Variants in SRFBP1 observed in about 807,000 individuals in gnomAD.
SRFBP1 encodes serum response factor-binding protein 1.
Under a neutral mutation model 45.5 loss-of-function variants are expected in SRFBP1, and 47 were observed. The observed-to-expected ratio is 1.03, with a 90% CI of 0.82 to 1.32. The LOEUF is 1.32. SRFBP1 is among the 40% of genes most tolerant of loss of function. SRFBP1 has a pLI of 0.00. For missense variants in SRFBP1, 621 were observed against 484.6 expected (o/e 1.28, Z -2.64); for synonymous variants, 203 against 166.3 (o/e 1.22, Z -1.70).
At chr5:122,008,037 G>T (rs1396948456) in intron 4 of SRFBP1, among the ~76,000 whole-genome samples, 3 of 152,186 alleles carry the variant, frequency 2.0e-5, no homozygotes, top group Non-Finnish European at 4.4e-5. Flanking sequence ...GTAGGATCCT[G>T]CCTGGTGCCA....
downstream of SRFBP1, chr5:122,076,974 T>C: frequency 6.2e-7 from 1 of 1,613,620 alleles, no homozygotes; most frequent in Non-Finnish European, 8.5e-7. Context: ...CTGGATGTAG[T>C]AGGGGTCGGC....
chr5:122,038,890 G>C (rs1436142089), intron 2 of SRFBP1, among the ~76,000 whole-genome samples: 1 of 152,036 alleles, frequency 6.6e-6, no homozygotes, highest in East Asian at 1.9e-4. Context: ...TCAGGGAAGA[G>C]GTGGGATGCA....
intron 2 of SRFBP1, chr5:122,070,157 G>A (rs773374139): frequency 6.3e-7 from 1 of 1,597,830 alleles, no homozygotes; most frequent in East Asian, 2.2e-5. Flanking sequence ...GGTAGCTGGG[G>A]TTTACACTGA....
chr5:122,076,694 G>C (rs1054521915), downstream of SRFBP1, among the ~76,000 whole-genome samples: 4 of 149,594 alleles, frequency 2.7e-5, no homozygotes, highest in Admixed American at 2.7e-4. Flanking sequence ...GCTGCACTTT[G>C]AGACAGAACC....
At chr5:122,017,211 C>T (rs1157957070) in intron 4 of SRFBP1, among the ~76,000 whole-genome samples, 1 of 152,126 alleles carries the variant, frequency 6.6e-6, no homozygotes, top group Non-Finnish European at 1.5e-5. Context: ...GCCTGGGTGA[C>T]AGAGTGAGAC....
At chr5:122,028,662 G>T (rs1026555711), downstream of SRFBP1, 1 of 151,890 alleles carries the variant, frequency 6.6e-6, no homozygotes, top group Non-Finnish European at 1.5e-5. Context: ...TATGCAGAGA[G>T]AAAATTATTT....
rs1399991346 is a variant in SRFBP1, at chr5:122,020,207, T to A, written c.472T>A (p.Leu158Ile). ...GTATTCAAATGATAATGGAAGTAATTTACAGCGTGAAGCAACTGTCATCAG... is the reference window on the plus strand; with the variant it reads ...GTATTCAAATGATAATGGAAGTAATATACAGCGTGAAGCAACTGTCATCAG... ...TLYSNDNGSNLQREATVISEQ... is the reference protein window; with the variant it reads ...TLYSNDNGSNIQREATVISEQ... The change falls in exon 6 of 8, where the codon TTA becomes ATA. Residue 158 changes from leucine (L) to isoleucine (I), a missense_variant. Coordinates refer to ENST00000339397, the MANE Select transcript of SRFBP1 (RefSeq NM_152546.3). 1 of 1,613,220 alleles carries A rather than the reference T, an allele frequency of 6.2e-7. No individual in the cohort carries two copies. The highest frequency in any genetic ancestry group is 1.1e-5 in the South Asian group (1 of 90,768).
At chr5:122,036,854 G>A (rs938777989) in intron 2 of SRFBP1, among the ~76,000 whole-genome samples, 2 of 150,978 alleles carry the variant, frequency 1.3e-5, no homozygotes, top group Non-Finnish European at 2.9e-5. Flanking sequence ...TGTGATAAAC[G>A]ATGAGTATGA....
chr5:122,072,743 G>A (rs1754486036), intron 2 of SRFBP1, among the ~76,000 whole-genome samples: 1 of 152,174 alleles, frequency 6.6e-6, no homozygotes, highest in African/African-American at 2.4e-5. Context: ...TATGGAAGAT[G>A]ATTAACAAGA....
intron 2 of SRFBP1, among the ~76,000 whole-genome samples, chr5:122,053,599 G>T (rs1327710118): frequency 6.6e-6 from 1 of 152,076 alleles, no homozygotes; most frequent in Non-Finnish European, 1.5e-5. Flanking sequence ...ATAGGAGGCT[G>T]CACCCACCAG....
At chr5:121,974,026 A>G (rs990766108) in intron 1 of SRFBP1, among the ~76,000 whole-genome samples, 170 bp from the exon 2 acceptor site, 11 of 152,016 alleles carry the variant, frequency 7.2e-5, no homozygotes, top group Middle Eastern at 3.4e-3. Flanking sequence ...CTGTTGATTT[A>G]TTCCTTCACT....
intron 2 of SRFBP1, among the ~76,000 whole-genome samples, chr5:122,043,246 C>T (rs1753799145): frequency 6.6e-6 from 1 of 151,574 alleles, no homozygotes; most frequent in Non-Finnish European, 1.5e-5. Context: ...GACAGAGTCT[C>T]CCTCTGTCGC....
intron 2 of SRFBP1, among the ~76,000 whole-genome samples, chr5:122,071,269 T>C (rs1561418018): frequency 6.6e-6 from 1 of 151,994 alleles, no homozygotes; most frequent in Non-Finnish European, 1.5e-5. Context: ...ATCTCCATTT[T>C]ATAGATGAGA....
chr5:122,069,619 G>A (rs1391303422), intron 2 of SRFBP1, among the ~76,000 whole-genome samples: 2 of 152,106 alleles, frequency 1.3e-5, no homozygotes, highest in African/African-American at 4.8e-5. Flanking sequence ...ACCAGAGGGG[G>A]CTGAACTCTT....
intron 2 of SRFBP1, among the ~76,000 whole-genome samples, chr5:122,057,546 C>G (rs541087271): frequency 4.0e-5 from 6 of 151,324 alleles, no homozygotes; most frequent in African/African-American, 1.5e-4. Context: ...AGGCTGGTCT[C>G]AAACTCCTGT....
At position 122,020,860 on chromosome 5, in the gene SRFBP1, T is replaced by C. The variant is rs150587570; in HGVS notation, c.1067+58T>C. ...TAGTTCTTTTTTAAAAAGCTATAAA[T>C]GTCTACTTGTCCATACATGAAGAGA... On this transcript the variant is annotated intron_variant, in intron 6 of 7. Coordinates refer to ENST00000339397, the MANE Select transcript of SRFBP1 (RefSeq NM_152546.3). 5 of 1,387,156 alleles carry C rather than the reference T, an allele frequency of 3.6e-6. No individual in the cohort carries two copies. In the South Asian group the frequency reaches 7.7e-5, roughly 21 times the overall value. The allele number at this position is 1,387,156 out of a possible 1,614,324, so 85.9% of individuals were successfully genotyped here.
chr5:121,988,907 A>G (rs947209538), intron 3 of SRFBP1, among the ~76,000 whole-genome samples: 2 of 152,200 alleles, frequency 1.3e-5, no homozygotes, highest in African/African-American at 4.8e-5. Context: ...TAACTTTTAC[A>G]TAAAATTTGC....
intron 7 of SRFBP1, among the ~76,000 whole-genome samples, chr5:122,026,488 G>C (rs1753482299): frequency 6.6e-6 from 1 of 152,182 alleles, no homozygotes; most frequent in South Asian, 2.1e-4. Flanking sequence ...CTTTAAAAAT[G>C]AGTAAGCACT....
chr5:122,073,714 A>C (rs1020825085), intron 2 of SRFBP1, among the ~76,000 whole-genome samples: 2 of 152,220 alleles, frequency 1.3e-5, no homozygotes, highest in Non-Finnish European at 2.9e-5. Context: ...GGCCACATGC[A>C]TAACTGGAAA....
Sources: gnomAD v4.1 joint callset for allele counts (sites outside exome capture counted in the v4.1 genomes callset) on GRCh38, gnomAD v4.1.1 for gene constraint, MANE v1.5 for transcripts, NCBI Gene and HGNC (gene_info 2026-07-23, HGNC 2026-07-21) for gene names.